The following MYO10 variants were observed in gnomAD, a reference collection of about 807,000 sequenced individuals.
The protein encoded by MYO10 is myosin X, also known as unconventional myosin-X.
MYO10 carries 133 observed loss-of-function variants against 257.3 expected under a neutral mutation model. That is an observed-to-expected ratio of 0.52 (90% CI 0.45 to 0.60). MYO10 has a LOEUF of 0.60. Ranked by LOEUF, MYO10 falls within the 20% of genes least tolerant of loss-of-function variation. The pLI is 0.00. For synonymous variants in MYO10, 1,104 were observed against 1,028.6 expected (o/e 1.07, Z -1.40); for missense variants, 2,399 against 2,635.7 (o/e 0.91, Z 1.97).
At chr5:16,886,732 C>A (rs1163577338) in intron 1 of MYO10, among the ~76,000 whole-genome samples, 3 of 151,860 alleles carry the variant, frequency 2.0e-5, no homozygotes, top group African/African-American at 7.3e-5. Flanking sequence ...AGGAGTTTGA[C>A]ACCATCCTGG....
chr5:16,932,140 A>G (rs1273071470), intron 1 of MYO10, among the ~76,000 whole-genome samples: 1 of 152,206 alleles, frequency 6.6e-6, no homozygotes, highest in East Asian at 1.9e-4. Context: ...TCCACTAACA[A>G]TTTATCCCTT....
intron 2 of MYO10, among the ~76,000 whole-genome samples, chr5:16,826,705 T>G (rs886065360): frequency 3.9e-5 from 6 of 152,204 alleles, no homozygotes; most frequent in African/African-American, 1.4e-4. Flanking sequence ...TTTAATCCCT[T>G]TGCACGAAGT....
intron 2 of MYO10, among the ~76,000 whole-genome samples, chr5:16,835,467 G>C (rs1743282873): frequency 7.2e-6 from 1 of 138,200 alleles, no homozygotes; most frequent in Non-Finnish European, 1.6e-5. Context: ...AGTGAGCCGA[G>C]ATCACACCAA....
chr5:16,780,888 G>A, intron 6 of MYO10, 147 bp from the exon 7 acceptor site: 1 of 786,464 alleles, frequency 1.3e-6, no homozygotes. Context: ...CAACAGACAA[G>A]CAAACAAAGT....
intron 27 of MYO10, among the ~76,000 whole-genome samples, chr5:16,692,578 GAAGA>G (rs750949987): frequency 2.5e-4 from 38 of 152,208 alleles, no homozygotes; most frequent in Non-Finnish European, 5.0e-4. Flanking sequence ...AATATTTACA[GAAGA>G]AATTATATGA....
chr5:16,874,826 A>C (rs2929915), intron 2 of MYO10, among the ~76,000 whole-genome samples: 10,435 of 152,186 alleles, frequency 0.069, 1,012 homozygotes, highest in African/African-American at 0.22. Flanking sequence ...TCCAGCAAGT[A>C]TCCATGCCTG....
Position 16,674,040 on chromosome 5 carries a change from C to T in MYO10, c.4965-151G>A, listed in dbSNP as rs76550240. Among the ~76,000 whole-genome samples, 950 of 152,202 alleles carry T rather than the reference C, an allele frequency of 6.2e-3. 3 individuals are homozygous for T. The highest frequency in any genetic ancestry group is 9.7e-3 in the Non-Finnish European group (661 of 68,020). On this transcript the variant is annotated intron_variant, in intron 35 of 40. Transcript: ENST00000513610. ...CACCAGTGACTTCTTGGCAAGGGCC[C>T]GCTTCATTTTGTGCAGTTCAATTTA... is the stretch of plus-strand genomic sequence containing the variant.
chr5:16,701,235 C>A lies in MYO10; in HGVS notation c.3160G>T (p.Ala1054Ser), dbSNP rs778980733. The A allele has an allele frequency of 1.2e-6, 2 of 1,612,402 alleles. No individual in the cohort carries two copies. Among genetic ancestry groups the A allele is most frequent in the African/African-American group, 1.3e-5 (1 of 74,894 alleles). The change falls in exon 25 of 41, where the codon GCC becomes TCC. Residue 1054 changes from alanine (A) to serine (S), a missense_variant. Coordinates refer to ENST00000513610, the MANE Select transcript of MYO10 (RefSeq NM_012334.3). The surrounding 1 kb of genome is among the most constrained non-coding windows in gnomAD (Gnocchi z 8.1). Reference protein sequence around the residue: ...SPSADSTVLLAPSVQDSGSLH... With the variant: ...SPSADSTVLLSPSVQDSGSLH... ...CTCCCGGAGTCCTGCACTGATGGGG[C>A]GAGCAGCACCGTGCTGTCCGCACTG...
intron 17 of MYO10, among the ~76,000 whole-genome samples, chr5:16,760,213 A>G (rs989271210): frequency 6.6e-6 from 1 of 150,458 alleles, no homozygotes; most frequent in African/African-American, 2.5e-5. Context: ...GCACTTTGGG[A>G]GGCCGAGGTG....
chr5:16,691,279 A>C (rs1424766902), intron 27 of MYO10, among the ~76,000 whole-genome samples: 1 of 152,078 alleles, frequency 6.6e-6, no homozygotes, highest in East Asian at 1.9e-4. Flanking sequence ...CAAAAAAAAA[A>C]AAAAAAGTAC....
intron 2 of MYO10, among the ~76,000 whole-genome samples, chr5:16,867,138 C>A (rs899161386): frequency 2.0e-5 from 3 of 152,216 alleles, no homozygotes; most frequent in Admixed American, 2.0e-4. Context: ...ACGTGTGGGC[C>A]TTCCTGGGCT....
intron 3 of MYO10, among the ~76,000 whole-genome samples, chr5:16,812,282 C>T (rs1257142232): frequency 1.3e-5 from 2 of 152,186 alleles, no homozygotes; most frequent in Non-Finnish European, 2.9e-5. Flanking sequence ...GCATAGAAGG[C>T]CGGGCTTCTG....
intron 1 of MYO10, among the ~76,000 whole-genome samples, chr5:16,888,207 T>C (rs1744946031): frequency 6.6e-6 from 1 of 151,974 alleles, no homozygotes; most frequent in South Asian, 2.1e-4. Flanking sequence ...TACCAGGCAC[T>C]AGGAAAGAGT....
rs1320453652 is a variant in MYO10, at chr5:16,809,200, C to T, written c.279+8809G>A. Among the ~76,000 whole-genome samples the T allele has an allele frequency of 3.3e-5, 5 of 151,792 alleles. No individual in the cohort carries two copies. The East Asian group carries it at 9.6e-4, about 29-fold the overall frequency. ...AAAAAGCCAAAAAAACCCAGAAAGT[C>T]CTGACTGTGTTCATCTGCCCCAAGT... On this transcript the variant is annotated intron_variant, in intron 3 of 40. Transcript: ENST00000513610.
intron 2 of MYO10, among the ~76,000 whole-genome samples, chr5:16,830,312 G>T (rs914031370): frequency 1.3e-5 from 2 of 151,998 alleles, no homozygotes; most frequent in African/African-American, 4.8e-5. Context: ...ATAGACTCAG[G>T]TACAGATTTC....
chr5:16,734,674 G>A (rs184977662), intron 19 of MYO10, among the ~76,000 whole-genome samples: 171 of 152,118 alleles, frequency 1.1e-3, no homozygotes, highest in African/African-American at 3.5e-3. Flanking sequence ...ACGTGGTGGC[G>A]CACACCTGTA....
intron 16 of MYO10, 91 bp downstream of exon 16, chr5:16,761,954 G>T: frequency 7.6e-7 from 1 of 1,310,818 alleles, no homozygotes; most frequent in Non-Finnish European, 1.0e-6. Flanking sequence ...ACCATGCCCA[G>T]CCCAATAAAT....
intron 28 of MYO10, among the ~76,000 whole-genome samples, chr5:16,687,103 CTTGAGCCCAGGAAT>C (rs1446403705): frequency 1.3e-4 from 20 of 151,918 alleles, no homozygotes; most frequent in East Asian, 9.8e-4. Context: ...GGGAGGATGG[CTTGAGCCCAGGAAT>C]TTGAGACCAG....
Position 16,922,313 on chromosome 5 carries a change from C to T in MYO10, c.21+13475G>A, listed in dbSNP as rs529479022. ...TCCGAGGGGGAAAACTTCCAGAGGG[C>T]TGCACACCTTGGCCCTTAGCTCCAA... On this transcript the variant is annotated intron_variant, in intron 1 of 40. Transcript: ENST00000513610. 7.2e-4 allele frequency among the ~76,000 whole-genome samples: 110 copies of T among 152,228 alleles called. 2 individuals carry two copies. In the South Asian group the frequency reaches 0.022, roughly 30 times the overall value.
Sources: allele counts gnomAD v4.1 joint callset (sites outside exome capture counted in the v4.1 genomes callset), GRCh38; gene constraint gnomAD v4.1.1; non-coding constraint Gnocchi (gnomAD v3.1); transcripts MANE v1.5; gene names NCBI Gene and HGNC (gene_info 2026-07-23, HGNC 2026-07-21).